Variants in PARD3B observed in about 807,000 individuals in gnomAD.
PARD3B encodes the protein partitioning defective 3 homolog B.
Under a neutral mutation model 130.2 loss-of-function variants are expected in PARD3B, and 103 were observed. The observed-to-expected ratio is 0.79, with a 90% CI of 0.67 to 0.93. The LOEUF is 0.93. PARD3B is among the 40% of genes least tolerant of loss of function. The pLI is 0.00. For missense variants in PARD3B, 1,609 were observed against 1,499.2 expected, an observed-to-expected ratio of 1.07 and a Z score of -1.21; for synonymous variants, 583 against 553.2, an observed-to-expected ratio of 1.05 and a Z score of -0.76.
chr2:205,135,465 C>T lies in PARD3B; in HGVS notation c.1434+9728C>T, dbSNP rs2032400912. On this transcript the variant is annotated intron_variant, in intron 10 of 22. Transcript: ENST00000406610. ...ACACATGTGAAATTGCCACTACAGT[C>T]CATCTCATTTTGAGAGTATAGTTAG... Among the ~76,000 whole-genome samples, 3 of 152,162 alleles carry T rather than the reference C, an allele frequency of 2.0e-5. No homozygotes were observed. The East Asian group carries it at 5.8e-4, about 29-fold the overall frequency.
chr2:205,481,061 G>A (rs1488630808), intron 20 of PARD3B, among the ~76,000 whole-genome samples: 1 of 152,152 alleles, frequency 6.6e-6, no homozygotes, highest in Admixed American at 6.5e-5. Flanking sequence ...GCAAGGAGGT[G>A]GAGAGGGAAA....
intron 21 of PARD3B, among the ~76,000 whole-genome samples, chr2:205,521,552 ATTTTTTT>A (rs201154538): frequency 1.8e-5 from 2 of 113,090 alleles, no homozygotes; most frequent in Non-Finnish European, 3.6e-5. Context: ...TGATTATATG[ATTTTTTT>A]TCTTTTTCTA....
At chr2:205,559,409 G>C (rs2053041768) in intron 22 of PARD3B, among the ~76,000 whole-genome samples, 2 of 151,802 alleles carry the variant, frequency 1.3e-5, no homozygotes, top group Non-Finnish European at 1.5e-5. Context: ...GCCTCCCAAA[G>C]TGCCGGGATT....
chr2:205,560,790 A>G (rs1188966298), intron 22 of PARD3B, among the ~76,000 whole-genome samples: 1 of 152,210 alleles, frequency 6.6e-6, no homozygotes, highest in Non-Finnish European at 1.5e-5. Flanking sequence ...ATGGGAAGCA[A>G]TATACTGGAG....
intron 2 of PARD3B, among the ~76,000 whole-genome samples, chr2:204,948,863 T>C (rs533459173): frequency 4.6e-5 from 7 of 152,314 alleles, no homozygotes; most frequent in South Asian, 4.1e-4. Flanking sequence ...ATGGTATTTT[T>C]CCATGTCTCA....
chr2:204,663,892 T>TA (rs1174839895), intron 1 of PARD3B, among the ~76,000 whole-genome samples: 5 of 152,226 alleles, frequency 3.3e-5, no homozygotes, highest in African/African-American at 1.2e-4. Context: ...CCCATGATTT[T>TA]AAAAAGTGGT....
intron 2 of PARD3B, among the ~76,000 whole-genome samples, chr2:204,736,995 T>A (rs2039785923): frequency 6.6e-6 from 1 of 152,214 alleles, no homozygotes; most frequent in Non-Finnish European, 1.5e-5. Flanking sequence ...TTGCCCAGGC[T>A]GGAGTGCAAT....
rs970055814 is a variant in PARD3B at position 205,442,249 on chromosome 2, A to G, written c.3044+1577A>G. Among the ~76,000 whole-genome samples, 5 of 149,604 alleles carry G rather than the reference A, an allele frequency of 3.3e-5. No individual in the cohort carries two copies. The East Asian group carries it at 9.8e-4, about 29-fold the overall frequency. Reference sequence around the variant, plus strand: ...TTCACAAGTCCAATACATATGGGGAATTCTAGGAATTCTAGGGTAAGCCAC... The same window carrying G: ...TTCACAAGTCCAATACATATGGGGAGTTCTAGGAATTCTAGGGTAAGCCAC... On this transcript the variant is annotated intron_variant, in intron 20 of 22. Transcript: ENST00000406610.
chr2:204,686,065 A>C (rs2037063173), intron 1 of PARD3B, 116 bp from the exon 2 acceptor site: 1 of 697,538 alleles, frequency 1.4e-6, no homozygotes, highest in Non-Finnish European at 2.4e-6. Context: ...TCAGTGTTTA[A>C]AAATTTGATT....
chr2:205,159,041 A>ATG (rs1368310063), intron 11 of PARD3B, 134 bp downstream of exon 11: 1 of 887,260 alleles, frequency 1.1e-6, no homozygotes, highest in Non-Finnish European at 1.7e-6. Context: ...CAAAAAATAT[A>ATG]TGTGTGAACA....
chr2:204,870,014 A>C (rs1331869633), intron 2 of PARD3B, among the ~76,000 whole-genome samples: 1 of 152,194 alleles, frequency 6.6e-6, no homozygotes, highest in Non-Finnish European at 1.5e-5. Context: ...AACAGGTTGC[A>C]GAGGACACTG....
intron 18 of PARD3B, among the ~76,000 whole-genome samples, chr2:205,395,859 G>A (rs568207710): frequency 3.3e-5 from 5 of 152,260 alleles, no homozygotes; most frequent in East Asian, 1.9e-4. Context: ...TTCCTCTGCC[G>A]TTTCTCCTCC....
chr2:204,917,198 G>A (rs960975773), intron 2 of PARD3B, among the ~76,000 whole-genome samples: 3 of 152,174 alleles, frequency 2.0e-5, no homozygotes, highest in African/African-American at 7.2e-5. Context: ...TGGTGGGTGG[G>A]TGGATCAGAT....
At chr2:205,444,941 A>G (rs2047854619) in intron 20 of PARD3B, among the ~76,000 whole-genome samples, 1 of 151,740 alleles carries the variant, frequency 6.6e-6, no homozygotes, top group Admixed American at 6.5e-5. Flanking sequence ...TTTAGTAGCT[A>G]AGTAGGACCA....
intron 15 of PARD3B, among the ~76,000 whole-genome samples, chr2:205,238,410 A>G (rs2039165154): frequency 2.0e-5 from 3 of 152,134 alleles, no homozygotes; most frequent in African/African-American, 7.2e-5. Flanking sequence ...ATTTGAGTCC[A>G]GCCAGGGCAA....
At chr2:205,409,363 G>C (rs1559066636) in intron 19 of PARD3B, among the ~76,000 whole-genome samples, 4 of 152,104 alleles carry the variant, frequency 2.6e-5, no homozygotes, top group Non-Finnish European at 4.4e-5. Flanking sequence ...TTCAAAATTT[G>C]CCTCTGATTT....
chr2:205,522,819 A>T (rs1178938290), intron 21 of PARD3B, among the ~76,000 whole-genome samples: 2 of 152,198 alleles, frequency 1.3e-5, no homozygotes, highest in Admixed American at 1.3e-4. Flanking sequence ...TTTTCCATTA[A>T]AAGACATTTC....
At chr2:205,544,186 G>A (rs952795281) in intron 21 of PARD3B, among the ~76,000 whole-genome samples, 3 of 151,950 alleles carry the variant, frequency 2.0e-5, no homozygotes, top group Admixed American at 6.6e-5. Context: ...TCAAATTCCT[G>A]TGTACTCTGC....
intron 19 of PARD3B, among the ~76,000 whole-genome samples, chr2:205,417,828 C>T (rs2046832624): frequency 6.6e-6 from 1 of 152,192 alleles, no homozygotes. Flanking sequence ...CAGATGGGGC[C>T]TCCTCTGGAA....
Sources: gnomAD v4.1 joint callset for allele counts (sites outside exome capture counted in the v4.1 genomes callset) on GRCh38, gnomAD v4.1.1 for gene constraint, MANE v1.5 for transcripts, NCBI Gene and HGNC (gene_info 2026-07-23, HGNC 2026-07-21) for gene names.